The following VPS13D variants were observed in gnomAD, a reference collection of about 807,000 sequenced individuals.
VPS13D encodes vacuolar protein sorting 13 homolog D.
A neutral mutation model predicts 461.9 loss-of-function variants in VPS13D; 187 were observed. The observed-to-expected ratio is 0.40, with a 90% CI of 0.36 to 0.46. The LOEUF (loss-of-function observed/expected upper bound fraction) is 0.46. Among genes scored for constraint, VPS13D ranks in the 20% least tolerant of loss-of-function variants. VPS13D has a pLI of 0.60. For synonymous variants in VPS13D, 1,951 were observed against 1,986.3 expected, an observed-to-expected ratio of 0.98 and a Z score of 0.47; for missense variants, 4,711 against 5,364.9, an observed-to-expected ratio of 0.88 and a Z score of 3.81.
intron 52 of VPS13D, 41 bp from the exon 53 acceptor site, chr1:12,368,427 C>T (rs936852240): frequency 1.9e-6 from 3 of 1,568,468 alleles, no homozygotes; most frequent in Admixed American, 3.8e-5. Flanking sequence ...CATCTTGTCT[C>T]CTACATTTTA....
chr1:12,318,150 A>G lies in VPS13D; in HGVS notation c.7227A>G (p.Leu2409=). Residue 2409 remains leucine (L), a synonymous_variant, in exon 31 of 70, where the codon TTA becomes TTG. Transcript: ENST00000620676. ...RVFLIFDWLL[L]VHDFLHTPSD... ...TTCTCATATTTGACTGGCTACTGTTAGTCCATGATTTTCTCCACACTCCCA... is the reference window on the plus strand; with the variant it reads ...TTCTCATATTTGACTGGCTACTGTTGGTCCATGATTTTCTCCACACTCCCA... 1 of 1,614,122 alleles carries G rather than the reference A, an allele frequency of 6.2e-7. No homozygotes were observed. Among genetic ancestry groups the G allele is most frequent in the Non-Finnish European group, 8.5e-7 (1 of 1,179,988 alleles).
chr1:12,276,480 G>A lies in VPS13D; in HGVS notation c.2892G>A (p.Met964Ile). Residue 964 changes from methionine (M) to isoleucine (I), a missense_variant, in exon 19 of 70, where the codon ATG becomes ATA. Coordinates refer to ENST00000620676, the MANE Select transcript of VPS13D (RefSeq NM_015378.4). The surrounding 1 kb of genome is among the most constrained non-coding windows in gnomAD (Gnocchi z 4.5). The stretch of plus-strand genomic sequence containing the variant: ...TGGCGGAATTTAAAGTGAACTGTAT[G>A]CAGCTTGGTGTTGAGAGCAATGGCC... ...LLLAEFKVNC[M>I]QLGVESNGRY... The A allele has an allele frequency of 6.2e-7, 1 of 1,614,174 alleles. No individual in the cohort carries two copies. Among genetic ancestry groups the A allele is most frequent in the Non-Finnish European group, 8.5e-7 (1 of 1,180,050 alleles).
At chr1:12,361,775 G>A (rs890504675) in intron 50 of VPS13D, among the ~76,000 whole-genome samples, 3 of 152,166 alleles carry the variant, frequency 2.0e-5, no homozygotes, top group Non-Finnish European at 2.9e-5. Flanking sequence ...CGGCTGTCTT[G>A]AGATTTCCTT....
chr1:12,319,395 ATGT>A (rs996223104), intron 31 of VPS13D, 99 bp from the exon 32 acceptor site: 105 of 1,511,652 alleles, frequency 6.9e-5, no homozygotes, highest in Non-Finnish European at 9.2e-5. Flanking sequence ...TTACTGGTTC[ATGT>A]TGTTGCCTGG....
chr1:12,302,224 A>C (rs1421088261), intron 25 of VPS13D, among the ~76,000 whole-genome samples: 1 of 152,202 alleles, frequency 6.6e-6, no homozygotes, highest in African/African-American at 2.4e-5. Context: ...GGTTGACTGA[A>C]ATGGCATTAT....
chr1:12,308,925 G>A (rs184251864), intron 27 of VPS13D, among the ~76,000 whole-genome samples: 9 of 152,254 alleles, frequency 5.9e-5, no homozygotes, highest in East Asian at 5.8e-4. Flanking sequence ...GATTACAGGC[G>A]TGAGCCACCA....
chr1:12,473,733 AC>A lies in VPS13D; in HGVS notation c.12662+13340del, dbSNP rs1645593381. Among the ~76,000 whole-genome samples, 1 of 152,112 alleles carries A rather than the reference AC, an allele frequency of 6.6e-6. No individual in the cohort carries two copies. The highest frequency in any genetic ancestry group is 1.5e-5 in the Non-Finnish European group (1 of 68,022). ...TGTCCCTAGCTCTTACTTAAATTCA[AC>A]CCTGTCCCCGAATTCTTGCTGACCA... is the stretch of plus-strand genomic sequence containing the variant. On this transcript the variant is annotated intron_variant, in intron 67 of 69. Coordinates refer to ENST00000620676, the MANE Select transcript of VPS13D (RefSeq NM_015378.4). The surrounding 1 kb of genome is among the most constrained non-coding windows in gnomAD (Gnocchi z 4.2).
At position 12,353,682 on chromosome 1, in the gene VPS13D, G is replaced by C. The variant is rs72868220; in HGVS notation, c.9432-292G>C. 3.3e-5 allele frequency among the ~76,000 whole-genome samples: 5 copies of C among 151,384 alleles called. No individual in the cohort carries two copies. The South Asian group carries it at 8.3e-4, about 25-fold the overall frequency. Reference sequence around the variant, plus strand: ...TGCCTGAATGATGGAGGAGAATATCGATTGGAAAAGGACATGAGGGAACTT... The same window carrying C: ...TGCCTGAATGATGGAGGAGAATATCCATTGGAAAAGGACATGAGGGAACTT... On this transcript the variant is annotated intron_variant, in intron 46 of 69. Transcript: ENST00000620676.
chr1:12,446,889 G>A (rs1645199490), intron 65 of VPS13D, among the ~76,000 whole-genome samples: 1 of 152,162 alleles, frequency 6.6e-6, no homozygotes, highest in South Asian at 2.1e-4. Context: ...GGTGTGGTGT[G>A]ATGTGATCCA....
chr1:12,345,083 G>A (rs1643646065), intron 42 of VPS13D: 1 of 280,332 alleles, frequency 3.6e-6, no homozygotes. Context: ...TTGGGGTGAG[G>A]GTTGGTGGGG....
At chr1:12,357,524 A>G (rs1643896286) in intron 49 of VPS13D, among the ~76,000 whole-genome samples, 1 of 152,224 alleles carries the variant, frequency 6.6e-6, no homozygotes, top group Admixed American at 6.5e-5. Context: ...GATTCTTCCC[A>G]CCATCCCAAT....
chr1:12,337,235 A>G (rs552266232), intron 39 of VPS13D: 33 of 152,216 alleles, frequency 2.2e-4, no homozygotes, highest in African/African-American at 7.0e-4. Context: ...TTGAATATGC[A>G]TAAATTTCCA....
intron 40 of VPS13D, among the ~76,000 whole-genome samples, chr1:12,340,058 A>G (rs1643535146): frequency 6.6e-6 from 1 of 152,256 alleles, no homozygotes; most frequent in Non-Finnish European, 1.5e-5. Flanking sequence ...TAGAAGAGGG[A>G]GGTGCCTTTC....
rs192641169 is a variant in VPS13D at position 12,440,257 on chromosome 1, C to T, written c.12334-15741C>T. Among the ~76,000 whole-genome samples the T allele has an allele frequency of 2.7e-3, 405 of 152,258 alleles. 1 individual carries two copies. Among genetic ancestry groups the T allele is most frequent in the Non-Finnish European group, 3.9e-3 (262 of 68,022 alleles). ...GGGACATCATTTTGTGTTTTGATTC[C>T]TGGCATATTTGCTATCAGTATATGC... On this transcript the variant is annotated intron_variant, in intron 65 of 69. Transcript: ENST00000620676.
rs1642288559 is a variant in VPS13D at position 12,296,754 on chromosome 1, ACT to A, written c.6034-2445_6034-2444del. ...GAACATTTTTGTGACTTTCAGTATGACTCTGCTAAATGTTTTCTGTTAGAATT... is the reference window on the plus strand; with the variant it reads ...GAACATTTTTGTGACTTTCAGTATGACTGCTAAATGTTTTCTGTTAGAATT... On this transcript the variant is annotated intron_variant, in intron 24 of 69. Coordinates refer to ENST00000620676, the MANE Select transcript of VPS13D (RefSeq NM_015378.4). Among the ~76,000 whole-genome samples, 7 of 152,104 alleles carry A rather than the reference ACT, an allele frequency of 4.6e-5. No homozygotes were observed. In the South Asian group the frequency reaches 1.5e-3, roughly 32 times the overall value.
At chr1:12,360,798 T>C (rs992451008) in intron 50 of VPS13D, among the ~76,000 whole-genome samples, 3 of 152,236 alleles carry the variant, frequency 2.0e-5, no homozygotes, top group African/African-American at 7.2e-5. Context: ...ATCAGCATTT[T>C]CAAGCCAGTT....
In VPS13D at chr1:12,497,904, A is replaced by C. The variant is rs576932847; in HGVS notation, c.12794+273A>C. ...CAGTCTCTTTCTAGTTAGTTCAAAG[A>C]GAGAAGATCATGAATAAAATGTTCT... On this transcript the variant is annotated intron_variant, in intron 68 of 69. Transcript: ENST00000620676. Among the ~76,000 whole-genome samples, 3 of 152,362 alleles carry C rather than the reference A, an allele frequency of 2.0e-5. No individual in the cohort carries two copies. In the South Asian group the frequency reaches 6.2e-4, roughly 32 times the overall value.
intron 5 of VPS13D, among the ~76,000 whole-genome samples, chr1:12,245,731 T>TA (rs57964921): frequency 0.052 from 7,833 of 150,452 alleles, 450 homozygotes; most frequent in African/African-American, 0.15. Context: ...CCCTGTATCT[T>TA]AAAAAAAAAA....
Position 12,311,364 on chromosome 1 carries a change from G to A in VPS13D, c.6651-90G>A, listed in dbSNP as rs1404773178. The A allele has an allele frequency of 8.8e-6, 11 of 1,247,398 alleles. No homozygotes were observed. The Admixed American group carries it at 1.5e-4, about 17-fold the overall frequency. The allele number at this position is 1,247,398 out of a possible 1,614,324, so 77.3% of individuals were successfully genotyped here. A position where few individuals can be genotyped will look rare whatever the true frequency, so the allele number is the denominator to read the frequency against. On this transcript the variant is annotated intron_variant, in intron 27 of 69. Transcript: ENST00000620676. ...ATTACCTACTTGATAATGTAGGTGA[G>A]TACATTTTAGCCCCGTTGTTTGGGC...
Sources: gnomAD v4.1 joint callset for allele counts (sites outside exome capture counted in the v4.1 genomes callset) on GRCh38, gnomAD v4.1.1 for gene constraint, Gnocchi (gnomAD v3.1) non-coding constraint, MANE v1.5 for transcripts, NCBI Gene and HGNC (gene_info 2026-07-23, HGNC 2026-07-21) for gene names.